UBFD1: variants seen among roughly 807,000 people sequenced by gnomAD.
The protein encoded by UBFD1 is ubiquitin domain-containing protein UBFD1.
Under a neutral mutation model 35.1 loss-of-function variants are expected in UBFD1, and 12 were observed. The ratio of observed to expected loss-of-function variants is 0.34; its 90% CI spans 0.22 to 0.55. The LOEUF (loss-of-function observed/expected upper bound fraction) is 0.55. Among genes scored for constraint, UBFD1 ranks in the 20% least tolerant of loss-of-function variants. The pLI, the probability that UBFD1 is intolerant of heterozygous loss-of-function variation, is 0.89. For missense variants in UBFD1, 337 were observed against 410.8 expected (o/e 0.82, Z 1.55); for synonymous variants, 178 against 167.6 (o/e 1.06, Z -0.48).
At chr16:23,559,734 C>A in intron 3 of UBFD1, 58 bp downstream of exon 3, 1 of 1,606,922 alleles carries the variant, frequency 6.2e-7, no homozygotes, top group African/African-American at 1.3e-5. Context: ...CCTCTTGAGC[C>A]GTGGCTGGTT....
At chr16:23,559,434 T>A in intron 2 of UBFD1, 34 bp from the exon 3 acceptor site, 1 of 1,592,012 alleles carries the variant, frequency 6.3e-7, no homozygotes, top group South Asian at 1.1e-5. Context: ...TGTCCTTCCT[T>A]CCTTTCACTG....
At chr16:23,559,999 G>C (rs1965906095) in intron 3 of UBFD1, 1 of 900,356 alleles carries the variant, frequency 1.1e-6, no homozygotes, top group South Asian at 2.0e-5. Flanking sequence ...ACCAGTACTA[G>C]AAGTAAGCCC....
intron 1 of UBFD1, 53 bp downstream of exon 1, chr16:23,557,820 T>C (rs1195750682): frequency 6.3e-6 from 8 of 1,271,792 alleles, no homozygotes; most frequent in Non-Finnish European, 7.9e-6. Flanking sequence ...TTGCGGTCGC[T>C]CCTCTGGGGG....
intron 3 of UBFD1, chr16:23,561,974 G>A (rs1201709562): frequency 1.1e-5 from 5 of 438,278 alleles, no homozygotes; most frequent in East Asian, 3.6e-5. Context: ...CATTTCAAGT[G>A]TGTAATAGTC....
chr16:23,564,716 G>A (rs938671613), intron 5 of UBFD1: 2 of 152,224 alleles, frequency 1.3e-5, no homozygotes, highest in Non-Finnish European at 2.9e-5. Flanking sequence ...AGAGAAGTCT[G>A]GATGGGAACT....
chr16:23,569,269 A>G (rs928546590), intron 6 of UBFD1: 2 of 152,142 alleles, frequency 1.3e-5, no homozygotes, highest in African/African-American at 4.8e-5. Flanking sequence ...AATACAGAAA[A>G]GAGGCTGGGC....
Position 23,557,783 on chromosome 16 carries a change from G to A in UBFD1, c.25+16G>A, listed in dbSNP as rs749025646. 19 of 1,281,036 alleles carry A rather than the reference G, an allele frequency of 1.5e-5. No individual in the cohort carries two copies. Among genetic ancestry groups the A allele is most frequent in the African/African-American group, 9.3e-5 (6 of 64,530 alleles). 79.4% of individuals were successfully genotyped at this position (1,281,036 alleles called of 1,614,324 possible). Reference sequence around the variant, plus strand: ...GCCCCGGATGGTGAGTGCGGCGGGGGTGGCGGGCGCCGGGCCGGGGCTGAG... The same window carrying A: ...GCCCCGGATGGTGAGTGCGGCGGGGATGGCGGGCGCCGGGCCGGGGCTGAG... On this transcript the variant is annotated intron_variant, in intron 1 of 6. Coordinates refer to ENST00000395878, the MANE Select transcript of UBFD1 (RefSeq NM_019116.3).
intron 6 of UBFD1, among the ~76,000 whole-genome samples, chr16:23,567,799 C>T (rs1422852351): frequency 5.9e-5 from 9 of 152,224 alleles, no homozygotes; most frequent in Admixed American, 6.5e-5. Context: ...AATGTGAGGG[C>T]GGGGCCTCCG....
At chr16:23,558,392 C>G in intron 2 of UBFD1, 113 bp downstream of exon 2, 1 of 1,326,928 alleles carries the variant, frequency 7.5e-7, no homozygotes, top group Non-Finnish European at 1.0e-6. Context: ...ATCCTTACAG[C>G]AGTCTTCTGA....
chr16:23,567,598 C>T (rs1188388457), intron 6 of UBFD1, among the ~76,000 whole-genome samples: 1 of 152,204 alleles, frequency 6.6e-6, no homozygotes, highest in African/African-American at 2.4e-5. Flanking sequence ...AGAGAGCAGG[C>T]TACTCTTTCC....
intron 3 of UBFD1, among the ~76,000 whole-genome samples, chr16:23,561,396 A>G (rs1476466507): frequency 1.3e-5 from 2 of 152,338 alleles, no homozygotes; most frequent in South Asian, 2.1e-4. Flanking sequence ...CTATGCCTAT[A>G]AGGCCACAGA....
rs1300996235 is a variant in UBFD1 at position 23,557,930 on chromosome 16, A to C, written c.26-20A>C. The C allele has an allele frequency of 6.1e-6, 8 of 1,307,888 alleles. No homozygotes were observed. The highest frequency in any genetic ancestry group is 1.5e-5 in the African/African-American group (1 of 65,330). 81.0% of individuals were successfully genotyped at this position (1,307,888 alleles called of 1,614,324 possible). A position where few individuals can be genotyped will look rare whatever the true frequency, so the allele number is the denominator to read the frequency against. ...CAAGCCCAGCCCGCGGCGAGCGCCC[A>C]CCCCCTAACCCCCTTGCAGGCATGG... On this transcript the variant is annotated intron_variant, in intron 1 of 6. Coordinates refer to ENST00000395878, the MANE Select transcript of UBFD1 (RefSeq NM_019116.3).
intron 3 of UBFD1, among the ~76,000 whole-genome samples, chr16:23,560,188 T>C (rs1965909594): frequency 6.6e-6 from 1 of 152,196 alleles, no homozygotes; most frequent in Admixed American, 6.5e-5. Flanking sequence ...TTATTTATTT[T>C]TTTGTCCTGA....
chr16:23,567,427 T>A (rs1287024029), intron 6 of UBFD1, among the ~76,000 whole-genome samples: 1 of 152,234 alleles, frequency 6.6e-6, no homozygotes, highest in East Asian at 1.9e-4. Flanking sequence ...AGTTTTATCT[T>A]GCTTATAAAA....
chr16:23,562,115 C>CT lies in UBFD1; in HGVS notation c.565-90dup, dbSNP rs916031810. 6 of 1,242,638 alleles carry CT rather than the reference C, an allele frequency of 4.8e-6. No individual in the cohort carries two copies. In the African/African-American group the frequency reaches 9.1e-5, roughly 19 times the overall value. The allele number at this position is 1,242,638 out of a possible 1,614,324, so 77.0% of individuals were successfully genotyped here. A position where few individuals can be genotyped will look rare whatever the true frequency, so the allele number is the denominator to read the frequency against. ...CATTAAAAGCTTTTGAGCCAAAACA[C>CT]TAAGGCTTTCTTCATCCTCTCTTTC... On this transcript the variant is annotated intron_variant, in intron 3 of 6. Transcript: ENST00000395878.
intron 3 of UBFD1, chr16:23,561,953 C>T: frequency 2.6e-6 from 1 of 383,378 alleles, no homozygotes; most frequent in Non-Finnish European, 4.6e-6. Context: ...GTTCCTCAGT[C>T]ATAGTAGCTG....
At position 23,573,727 on chromosome 16, in the gene UBFD1, C is replaced by T. The variant is rs1966117410; in HGVS notation, c.*3137C>T. 1 of 152,690 alleles carries T rather than the reference C, an allele frequency of 6.5e-6. No individual in the cohort carries two copies. Among genetic ancestry groups the T allele is most frequent in the South Asian group, 2.1e-4 (1 of 4,832 alleles). The allele number at this position is 152,690 out of a possible 1,614,324, so 9.5% of individuals were successfully genotyped here. A position where few individuals can be genotyped will look rare whatever the true frequency, so the allele number is the denominator to read the frequency against. On this transcript the variant is annotated 3_prime_UTR_variant, in exon 7 of 7. Coordinates refer to ENST00000395878, the MANE Select transcript of UBFD1 (RefSeq NM_019116.3). ...GTCTCAGAAAAGTTGCCATATTTCA[C>T]CCAGAAGGGGCTTGTTTTCCTCTTA... is the stretch of plus-strand genomic sequence containing the variant.
At chr16:23,557,808 G>A (rs768965559) in intron 1 of UBFD1, 41 bp downstream of exon 1, 2 of 1,277,474 alleles carry the variant, frequency 1.6e-6, no homozygotes, top group Non-Finnish European at 2.0e-6. Flanking sequence ...CCGGGGCTGA[G>A]GTTGCGGTCG....
chr16:23,572,822 C>T lies in UBFD1; in HGVS notation c.*2232C>T, dbSNP rs899315340. ...ATAATGTAAATGACACCTTTTCGTACGGAGCTGTTTGAGTATTGCTTTACA... is the reference window on the plus strand; with the variant it reads ...ATAATGTAAATGACACCTTTTCGTATGGAGCTGTTTGAGTATTGCTTTACA... On this transcript the variant is annotated 3_prime_UTR_variant, in exon 7 of 7. Transcript: ENST00000395878. The T allele has an allele frequency of 7.2e-5, 11 of 152,350 alleles. No homozygotes were observed. The highest frequency in any genetic ancestry group is 1.9e-4 in the African/African-American group (8 of 41,448). 9.4% of individuals were successfully genotyped at this position (152,350 alleles called of 1,614,324 possible).
Sources: allele counts gnomAD v4.1 joint callset (sites outside exome capture counted in the v4.1 genomes callset), GRCh38; gene constraint gnomAD v4.1.1; transcripts MANE v1.5; gene names NCBI Gene and HGNC (gene_info 2026-07-23, HGNC 2026-07-21).